SOX13: variants seen among roughly 807,000 people sequenced by gnomAD.
SOX13 encodes the protein SRY-box transcription factor 13.
Under a neutral mutation model 71.8 loss-of-function variants are expected in SOX13, and 28 were observed. The ratio of observed to expected loss-of-function variants is 0.39; its 90% CI spans 0.29 to 0.53. The LOEUF (loss-of-function observed/expected upper bound fraction) is 0.53. Ranked by LOEUF, SOX13 falls within the 20% of genes least tolerant of loss-of-function variation. The pLI is 0.70. For missense variants in SOX13, 627 were observed against 810.3 expected (o/e 0.77, Z 2.75); for synonymous variants, 309 against 317.8 (o/e 0.97, Z 0.29).
At chr1:204,086,344 C>A (rs2102226904) in intron 1 of SOX13, among the ~76,000 whole-genome samples, 1 of 152,270 alleles carries the variant, frequency 6.6e-6, no homozygotes, top group Admixed American at 6.5e-5. Context: ...CGCTGTGTCG[C>A]CCAGGCTGGA....
chr1:204,109,630 A>G (rs376652081), intron 1 of SOX13, among the ~76,000 whole-genome samples: 1 of 152,154 alleles, frequency 6.6e-6, no homozygotes, highest in Non-Finnish European at 1.5e-5. Context: ...TGCATTTCTC[A>G]GAACATGTTT....
At chr1:204,122,624 G>A (rs1188785368) in intron 9 of SOX13, 3 of 599,738 alleles carry the variant, frequency 5.0e-6, no homozygotes, top group Non-Finnish European at 8.9e-6. Context: ...AGTTCCAGGG[G>A]GTACTGTTGT....
At chr1:204,117,768 GC>G in intron 7 of SOX13, 61 bp downstream of exon 7, 1 of 1,073,652 alleles carries the variant, frequency 9.3e-7, no homozygotes, top group Non-Finnish European at 1.4e-6. Context: ...CAGGGAAAGC[GC>G]CCTGGAGCCA....
chr1:204,073,345 C>G lies in SOX13; in HGVS notation c.-368C>G, dbSNP rs1203648224. The G allele has an allele frequency of 6.5e-6, 1 of 152,710 alleles. No homozygotes were observed. Among genetic ancestry groups the G allele is most frequent in the African/African-American group, 2.4e-5 (1 of 41,456 alleles). 9.5% of individuals were successfully genotyped at this position (152,710 alleles called of 1,614,324 possible). A position where few individuals can be genotyped will look rare whatever the true frequency, so the allele number is the denominator to read the frequency against. On this transcript the variant is annotated 5_prime_UTR_variant, in exon 1 of 14. Transcript: ENST00000367204. This position sits in a 1 kb window ranked among gnomAD's most constrained non-coding sequence, Gnocchi z 6.8. Reference sequence around the variant, plus strand: ...AGGGAGGGCGGGCCGGCTGCGCGTCCGACGAGTCGCAGAGCAGGACCGCGG... The same window carrying G: ...AGGGAGGGCGGGCCGGCTGCGCGTCGGACGAGTCGCAGAGCAGGACCGCGG...
At chr1:204,092,073 G>T (rs1656156782) in intron 1 of SOX13, among the ~76,000 whole-genome samples, 1 of 151,532 alleles carries the variant, frequency 6.6e-6, no homozygotes, top group Non-Finnish European at 1.5e-5. Context: ...TTTGATGTAG[G>T]GTCTTGCTCT....
At chr1:204,106,197 G>A (rs988456435) in intron 1 of SOX13, among the ~76,000 whole-genome samples, 5 of 152,230 alleles carry the variant, frequency 3.3e-5, no homozygotes, top group African/African-American at 1.2e-4. Context: ...AAAAGAAAAG[G>A]AAATGGAATC....
chr1:204,097,229 G>C (rs1381791300), intron 1 of SOX13, among the ~76,000 whole-genome samples: 1 of 152,172 alleles, frequency 6.6e-6, no homozygotes, highest in East Asian at 1.9e-4. Context: ...TGGAAGAGTT[G>C]AATCATTTCA....
At chr1:204,093,853 GA>G (rs1385890430) in intron 1 of SOX13, among the ~76,000 whole-genome samples, 5 of 152,204 alleles carry the variant, frequency 3.3e-5, no homozygotes, top group African/African-American at 1.2e-4. Context: ...TCTTTCTGAT[GA>G]GGGGCTTCCA....
At chr1:204,115,969 A>G (rs536040445) in intron 4 of SOX13, 141 of 269,858 alleles carry the variant, frequency 5.2e-4, no homozygotes, top group African/African-American at 3.1e-3. Context: ...CCTGGCCTCT[A>G]TTAGCTCATT....
Position 204,126,093 on chromosome 1 carries a change from G to A in SOX13, c.1828G>A (p.Glu610Lys), listed in dbSNP as rs199949298. 235 of 1,613,864 alleles carry A rather than the reference G, an allele frequency of 1.5e-4. No individual in the cohort carries two copies. The highest frequency in any genetic ancestry group is 1.9e-4 in the Non-Finnish European group (224 of 1,179,880). The change falls in exon 14 of 14, where the codon GAA (glutamate) becomes AAA (lysine). Residue 610 changes from glutamate (E) to lysine (K), a missense_variant. Glu to Lys is a moderately conservative substitution (Grantham distance 56). Around this residue, in one of 3 missense-constraint regions of SOX13, gnomAD observed 148 missense variants for 192.7 expected, o/e 0.77. Transcript: ENST00000367204. ...CAGCGAGGACGAGGACTCGGAGGGCGAAGAGAAGAGCGATGGGGAGTTGGT... is the reference window on the plus strand; with the variant it reads ...CAGCGAGGACGAGGACTCGGAGGGCAAAGAGAAGAGCGATGGGGAGTTGGT... The part of the protein sequence containing the change: ...RYSEDEDSEG[E>K]EKSDGELVVL...
At position 204,073,975 on chromosome 1, in the gene SOX13, T is replaced by TTG. The variant is rs61199162; in HGVS notation, c.-2+288_-2+289dup. On this transcript the variant is annotated intron_variant, in intron 1 of 13. Transcript: ENST00000367204. The surrounding 1 kb of genome is among the most constrained non-coding windows in gnomAD (Gnocchi z 6.8). ...AGGCAGTGCGTGGCTGTGTGTGTGT[T>TTG]TGTGTGTGTGTGTGTGTGTGTGTGT... The TTG allele has an allele frequency of 4.4e-3, 665 of 150,060 alleles. 2 individuals are homozygous for TTG. The highest frequency in any genetic ancestry group is 6.5e-3 in the Non-Finnish European group (438 of 67,332). The allele number at this position is 150,060 out of a possible 1,614,324, so 9.3% of individuals were successfully genotyped here.
chr1:204,084,032 G>A (rs762579948), intron 1 of SOX13, among the ~76,000 whole-genome samples: 12 of 152,132 alleles, frequency 7.9e-5, no homozygotes, highest in Non-Finnish European at 1.3e-4. Context: ...GGCCTCTAAG[G>A]GCATGTCAGA....
Position 204,125,947 on chromosome 1 carries a change from A to G in SOX13, c.1682A>G (p.His561Arg), listed in dbSNP as rs773378776. The change falls in exon 14 of 14, where the codon CAC (histidine) becomes CGC (arginine). Residue 561 changes from histidine (H) to arginine (R), a missense_variant. By Grantham distance (29) the His-to-Arg change is conservative. This residue lies in a region of SOX13 where 148 missense variants were observed against 192.7 expected (regional missense o/e 0.77). Coordinates refer to ENST00000367204, the MANE Select transcript of SOX13 (RefSeq NM_005686.3). ...CCGCTGGCACAGCCACTGGTGGAGC[A>G]CTATGTCCCTCGTAGCCTGGACCCC... Reference protein sequence around the residue: ...GMPLAQPLVEHYVPRSLDPNM... With the variant: ...GMPLAQPLVERYVPRSLDPNM... 5 of 1,613,738 alleles carry G rather than the reference A, an allele frequency of 3.1e-6. No individual in the cohort carries two copies. Among genetic ancestry groups the G allele is most frequent in the African/African-American group, 1.3e-5 (1 of 74,940 alleles).
At chr1:204,078,000 G>T (rs1655818388) in intron 1 of SOX13, 1 of 152,152 alleles carries the variant, frequency 6.6e-6, no homozygotes, top group South Asian at 2.1e-4. Context: ...TTTTAGTAGA[G>T]ACGGCGTTTC....
intron 1 of SOX13, among the ~76,000 whole-genome samples, chr1:204,086,443 A>G (rs1214221141): frequency 1.3e-5 from 2 of 152,082 alleles, no homozygotes; most frequent in Non-Finnish European, 2.9e-5. Context: ...AGCTGGGACT[A>G]CACACATGTG....
At chr1:204,088,158 C>A (rs1656062586) in intron 1 of SOX13, among the ~76,000 whole-genome samples, 1 of 152,136 alleles carries the variant, frequency 6.6e-6, no homozygotes, top group Non-Finnish European at 1.5e-5. Context: ...GCTTGTAGGG[C>A]CCTCATTTAC....
rs1312737110 is a variant in SOX13 at position 204,123,340 on chromosome 1, G to A, written c.1231+132G>A. 1.7e-5 allele frequency: 13 copies of A among 758,828 alleles called. No homozygotes were observed. Among genetic ancestry groups the A allele is most frequent in the Non-Finnish European group, 2.8e-5 (12 of 434,986 alleles). The allele number at this position is 758,828 out of a possible 1,614,324, so 47.0% of individuals were successfully genotyped here. On this transcript the variant is annotated intron_variant, in intron 11 of 13. Transcript: ENST00000367204. The surrounding 1 kb of genome is among the most constrained non-coding windows in gnomAD (Gnocchi z 5.0). Reference sequence around the variant, plus strand: ...GTCCTTTCCAGGTGTGTGTGCCTCTGCTGTCCCATTATGTGTCTGTCGGCT... The same window carrying A: ...GTCCTTTCCAGGTGTGTGTGCCTCTACTGTCCCATTATGTGTCTGTCGGCT...
chr1:204,115,929 G>C, intron 4 of SOX13: 1 of 199,228 alleles, frequency 5.0e-6, no homozygotes, highest in Non-Finnish European at 1.0e-5. Flanking sequence ...GCCTCCCAAA[G>C]TGCTGGGATT....
At chr1:204,083,613 G>A (rs1040461773) in intron 1 of SOX13, among the ~76,000 whole-genome samples, 1 of 152,218 alleles carries the variant, frequency 6.6e-6, no homozygotes, top group Non-Finnish European at 1.5e-5. Context: ...GGCCTTTTAA[G>A]CAGCCGCGGG....
Sources: allele counts gnomAD v4.1 joint callset (sites outside exome capture counted in the v4.1 genomes callset), GRCh38; gene constraint gnomAD v4.1.1; regional missense constraint gnomAD v4.1.1; non-coding constraint Gnocchi (gnomAD v3.1); transcripts MANE v1.5; gene names NCBI Gene and HGNC (gene_info 2026-07-23, HGNC 2026-07-21).